SORCS1: variants seen among roughly 807,000 people sequenced by gnomAD.
The protein encoded by SORCS1 is sortilin related VPS10 domain containing receptor 1.
SORCS1 carries 60 observed loss-of-function variants against 146.1 expected under a neutral mutation model. The ratio of observed to expected loss-of-function variants is 0.41; its 90% CI spans 0.33 to 0.51. SORCS1 has a LOEUF of 0.51. Among genes scored for constraint, SORCS1 ranks in the 20% least tolerant of loss-of-function variants. The pLI is 0.21. For synonymous variants in SORCS1, 637 were observed against 584.0 expected (o/e 1.09, Z -1.31); for missense variants, 1,352 against 1,487.6 (o/e 0.91, Z 1.50).
At chr10:106,644,066 TA>T (rs1564810756) in intron 18 of SORCS1, among the ~76,000 whole-genome samples, 2 of 152,206 alleles carry the variant, frequency 1.3e-5, no homozygotes, top group African/African-American at 4.8e-5. Flanking sequence ...AGGTCGGCCC[TA>T]AGCATACCAG....
the SORCS1 span, among the ~76,000 whole-genome samples, chr10:107,179,137 C>T: frequency 1.3e-5 from 2 of 152,124 alleles, no homozygotes; most frequent in Non-Finnish European, 2.9e-5. Context: ...TATTTTGTGT[C>T]TTTTTGATAA....
intron 1 of SORCS1, among the ~76,000 whole-genome samples, chr10:106,996,225 T>TAAAAA (rs376245294): frequency 3.2e-4 from 32 of 99,506 alleles, no homozygotes; most frequent in Non-Finnish European, 4.0e-4. Context: ...AGACTCCATC[T>TAAAAA]AAAAAAAAAA....
intron 1 of SORCS1, among the ~76,000 whole-genome samples, chr10:107,131,169 G>A (rs1400858289): frequency 1.3e-5 from 2 of 152,176 alleles, no homozygotes; most frequent in African/African-American, 4.8e-5. Context: ...TTGCATTTGG[G>A]CTTCTTTTGT....
At position 106,640,252 on chromosome 10, in the gene SORCS1, G is replaced by T. The variant is rs1304038878; in HGVS notation, c.2476-10864C>A. On this transcript the variant is annotated intron_variant, in intron 18 of 25. Transcript: ENST00000263054. ...ACTTATGAAGTGTTATTACACTGTG[G>T]GTACTTTAGTGCTCCCATAAGTCTT... is the stretch of plus-strand genomic sequence containing the variant. Among the ~76,000 whole-genome samples, 5 of 152,092 alleles carry T rather than the reference G, an allele frequency of 3.3e-5. No individual in the cohort carries two copies. The East Asian group carries it at 9.6e-4, about 29-fold the overall frequency.
At chr10:106,751,101 G>A (rs968923883) in intron 5 of SORCS1, among the ~76,000 whole-genome samples, 1 of 134,056 alleles carries the variant, frequency 7.5e-6, no homozygotes, top group African/African-American at 3.2e-5. Flanking sequence ...AAAATGCGGA[G>A]GAGGTGCAAA....
chr10:106,992,583 T>C (rs1207411296), intron 1 of SORCS1, among the ~76,000 whole-genome samples: 3 of 151,818 alleles, frequency 2.0e-5, no homozygotes, highest in Non-Finnish European at 4.4e-5. Context: ...CAGCCTCGAA[T>C]TTCTGGGCTC....
At chr10:106,695,116 C>G (rs1002733560) in intron 9 of SORCS1, among the ~76,000 whole-genome samples, 1 of 152,118 alleles carries the variant, frequency 6.6e-6, no homozygotes, top group Non-Finnish European at 1.5e-5. Context: ...ACCATTCATT[C>G]TATTCAGGTG....
intron 2 of SORCS1, among the ~76,000 whole-genome samples, chr10:106,832,347 T>C (rs1948588520): frequency 6.6e-6 from 1 of 151,818 alleles, no homozygotes; most frequent in African/African-American, 2.4e-5. Context: ...CATCACCACA[T>C]CCAGCTAATT....
At chr10:106,728,824 C>T (rs2136000285) in intron 6 of SORCS1, among the ~76,000 whole-genome samples, 1 of 152,232 alleles carries the variant, frequency 6.6e-6, no homozygotes, top group Admixed American at 6.5e-5. Flanking sequence ...ATGAGATGGT[C>T]ACTCTCTGGG....
At chr10:106,688,059 G>C (rs1027694581) in intron 10 of SORCS1, 133 bp downstream of exon 10, 4 of 1,228,834 alleles carry the variant, frequency 3.3e-6, no homozygotes, top group African/African-American at 1.5e-5. Flanking sequence ...TACACCCTTT[G>C]CCTTCACGCC....
chr10:106,864,940 C>G (rs573088122), intron 2 of SORCS1, among the ~76,000 whole-genome samples: 1 of 152,176 alleles, frequency 6.6e-6, no homozygotes, highest in African/African-American at 2.4e-5. Flanking sequence ...ACCAGGGTCT[C>G]CAGCCACCCT....
In SORCS1 at chr10:106,679,649, C is replaced by T. The variant is rs1470624486; in HGVS notation, c.1646G>A (p.Ser549Asn). The stretch of plus-strand genomic sequence containing the variant: ...CTTCTTACCTGATGCCACTATGATG[C>T]TTGGAGCTGTGTCTTTGCTGGCAAT... ...GIIASKDTAP[S>N]IIVASGNIGS... is the part of the protein sequence containing the mutation. Residue 549 changes from serine to asparagine, a missense_variant, in exon 11 of 26, where the codon AGC (serine) becomes AAC (asparagine). By Grantham distance (46) the Ser-to-Asn change is conservative. This residue lies in a region of SORCS1 where 648 missense variants were observed against 793.8 expected (regional missense o/e 0.82). Coordinates refer to ENST00000263054, the MANE Select transcript of SORCS1 (RefSeq NM_052918.5). 20 of 1,611,944 alleles carry T rather than the reference C, an allele frequency of 1.2e-5. No individual in the cohort carries two copies. The highest frequency in any genetic ancestry group is 3.3e-5 in the Admixed American group (2 of 59,860).
At chr10:106,704,115 A>G (rs577524158) in intron 8 of SORCS1, among the ~76,000 whole-genome samples, 2 of 152,304 alleles carry the variant, frequency 1.3e-5, no homozygotes, top group Non-Finnish European at 2.9e-5. Flanking sequence ...AATGCAAAGT[A>G]TCTGTTTCCC....
intron 23 of SORCS1, among the ~76,000 whole-genome samples, chr10:106,601,056 T>A (rs1846210335): frequency 6.6e-6 from 1 of 152,162 alleles, no homozygotes; most frequent in Non-Finnish European, 1.5e-5. Context: ...CACTTTCTGT[T>A]CACCAGTTGC....
At chr10:107,073,170 G>A (rs887628980) in intron 1 of SORCS1, among the ~76,000 whole-genome samples, 1 of 152,158 alleles carries the variant, frequency 6.6e-6, no homozygotes, top group Non-Finnish European at 1.5e-5. Flanking sequence ...CATAGAAAAA[G>A]ATTTGGAGAG....
intron 1 of SORCS1, among the ~76,000 whole-genome samples, chr10:107,034,120 A>C (rs12220840): frequency 0.36 from 54,478 of 152,046 alleles, 9,791 homozygotes; most frequent in Admixed American, 0.41. Context: ...TGATCAATTC[A>C]ACAGGAAAAT....
intron 1 of SORCS1, among the ~76,000 whole-genome samples, chr10:107,002,728 C>T (rs1027631954): frequency 2.0e-5 from 3 of 151,962 alleles, no homozygotes; most frequent in Non-Finnish European, 2.9e-5. Context: ...AAGAGGCAAC[C>T]GGTAGGTTCC....
At chr10:106,685,170 G>A (rs150209107) in intron 10 of SORCS1, among the ~76,000 whole-genome samples, 201 of 152,230 alleles carry the variant, frequency 1.3e-3, no homozygotes, top group Non-Finnish European at 2.5e-3. Context: ...ATCCTCCAGT[G>A]GACTCTCAGA....
At chr10:106,988,800 G>T (rs940537381) in intron 1 of SORCS1, among the ~76,000 whole-genome samples, 1 of 152,070 alleles carries the variant, frequency 6.6e-6, no homozygotes, top group Non-Finnish European at 1.5e-5. Flanking sequence ...TTCAGAATTT[G>T]TAATAAACTC....
Sources: allele counts gnomAD v4.1 joint callset (sites outside exome capture counted in the v4.1 genomes callset), GRCh38; gene constraint gnomAD v4.1.1; regional missense constraint gnomAD v4.1.1; transcripts MANE v1.5; gene names NCBI Gene and HGNC (gene_info 2026-07-23, HGNC 2026-07-21).